Variants in FRMD4A observed in about 807,000 individuals in gnomAD.
FRMD4A encodes FERM domain-containing protein 4A.
A neutral mutation model predicts 129.1 loss-of-function variants in FRMD4A; 29 were observed. The ratio of observed to expected loss-of-function variants is 0.22; its 90% CI spans 0.17 to 0.31. The LOEUF is 0.31. Among genes scored for constraint, FRMD4A ranks in the 10% least tolerant of loss-of-function variants. The pLI, the probability that FRMD4A is intolerant of heterozygous loss-of-function variation, is 1.00. For missense variants in FRMD4A, 1,272 were observed against 1,375.8 expected, an observed-to-expected ratio of 0.92 and a Z score of 1.19; for synonymous variants, 634 against 571.6, an observed-to-expected ratio of 1.11 and a Z score of -1.56.
intron 3 of FRMD4A, among the ~76,000 whole-genome samples, chr10:13,848,836 G>T (rs2094098067): frequency 6.6e-6 from 1 of 152,130 alleles, no homozygotes. Flanking sequence ...TTACCAAGGG[G>T]GAAACGACTT....
intron 2 of FRMD4A, among the ~76,000 whole-genome samples, chr10:13,958,103 T>G (rs1237444248): frequency 6.6e-6 from 1 of 152,086 alleles, no homozygotes; most frequent in Non-Finnish European, 1.5e-5. Flanking sequence ...ACATTGCTAG[T>G]TATCTCTTTC....
chr10:14,298,839 G>A (rs1195681537), intron 2 of FRMD4A, among the ~76,000 whole-genome samples: 2 of 152,220 alleles, frequency 1.3e-5, no homozygotes, highest in Non-Finnish European at 2.9e-5. Context: ...GGACACTCGA[G>A]TGAGGCAGGA....
chr10:13,788,497 A>G lies in FRMD4A; in HGVS notation c.300-5491T>C, dbSNP rs193299812. ...CCCTTCTCCCAGGAACTGAGTGACA[A>G]TCTTTTCAATGTCTGTCCTCTCCTC... On this transcript the variant is annotated intron_variant, in intron 5 of 24. Transcript: ENST00000357447. Among the ~76,000 whole-genome samples, 5 of 152,332 alleles carry G rather than the reference A, an allele frequency of 3.3e-5. 1 individual carries two copies. Among genetic ancestry groups the G allele is most frequent in the African/African-American group, 9.6e-5 (4 of 41,582 alleles).
At chr10:13,654,877 G>T in intron 22 of FRMD4A, 1 of 264,838 alleles carries the variant, frequency 3.8e-6, no homozygotes, top group Non-Finnish European at 7.1e-6. Context: ...AGTCCTTTGA[G>T]CGAGACCTGA....
chr10:13,786,747 A>G lies in FRMD4A; in HGVS notation c.300-3741T>C, dbSNP rs112275308. ...GGGGAGGCAAGGAAGAGAGAAAGCA[A>G]TCCTAACACCAGAATATTAACAGAA... On this transcript the variant is annotated intron_variant, in intron 5 of 24. Coordinates refer to ENST00000357447, the MANE Select transcript of FRMD4A (RefSeq NM_018027.5). Among the ~76,000 whole-genome samples the G allele has an allele frequency of 6.0e-3, 914 of 152,302 alleles. 1 individual carries two copies. Among genetic ancestry groups the G allele is most frequent in the Admixed American group, 0.012 (180 of 15,288 alleles).
chr10:13,886,454 A>G (rs2094622247), intron 2 of FRMD4A, among the ~76,000 whole-genome samples: 1 of 152,318 alleles, frequency 6.6e-6, no homozygotes, highest in Admixed American at 6.5e-5. Flanking sequence ...TTGGTAATGC[A>G]TTACTAACTG....
At chr10:13,867,032 C>CACATGGTT (rs1269978122) in intron 2 of FRMD4A, among the ~76,000 whole-genome samples, 1 of 152,180 alleles carries the variant, frequency 6.6e-6, no homozygotes, top group Non-Finnish European at 1.5e-5. Flanking sequence ...TCTATCATCT[C>CACATGGTT]ACATGGTTAC....
intron 3 of FRMD4A, among the ~76,000 whole-genome samples, chr10:13,834,961 G>A (rs1034388052): frequency 2.6e-5 from 4 of 152,108 alleles, no homozygotes; most frequent in African/African-American, 4.8e-5. Context: ...ATAATTCCCC[G>A]TGATAGCAGC....
intron 2 of FRMD4A, among the ~76,000 whole-genome samples, chr10:13,979,789 T>C (rs1304289782): frequency 6.6e-6 from 1 of 152,220 alleles, no homozygotes; most frequent in African/African-American, 2.4e-5. Context: ...GGGAATGTAA[T>C]GACTACTGAA....
At chr10:14,097,591 G>T (rs1182466292) in intron 2 of FRMD4A, among the ~76,000 whole-genome samples, 1 of 152,102 alleles carries the variant, frequency 6.6e-6, no homozygotes, top group Non-Finnish European at 1.5e-5. Flanking sequence ...TGGACTGTTG[G>T]ATTCCAAATT....
At chr10:14,265,346 C>T (rs1844941903) in intron 2 of FRMD4A, among the ~76,000 whole-genome samples, 1 of 152,048 alleles carries the variant, frequency 6.6e-6, no homozygotes, top group Admixed American at 6.6e-5. Context: ...ATGTTTCATC[C>T]TTGGCTATGT....
chr10:13,785,963 G>A (rs2092848066), intron 5 of FRMD4A, among the ~76,000 whole-genome samples: 2 of 152,040 alleles, frequency 1.3e-5, no homozygotes, highest in Non-Finnish European at 2.9e-5. Flanking sequence ...ATCCTTTTTT[G>A]TGGCCGCATA....
chr10:13,722,331 A>G (rs2089490053), intron 12 of FRMD4A, among the ~76,000 whole-genome samples: 1 of 150,512 alleles, frequency 6.6e-6, no homozygotes, highest in African/African-American at 2.4e-5. Context: ...TCCTGGGCTC[A>G]AGTAACCCCC....
chr10:14,134,295 AAATGGGTG>A (rs1445522312), intron 2 of FRMD4A, among the ~76,000 whole-genome samples: 7 of 120,710 alleles, frequency 5.8e-5, no homozygotes, highest in Non-Finnish European at 1.2e-4. Flanking sequence ...ATAGGTAGAT[AAATGGGTG>A]AATGGGTGAA....
intron 21 of FRMD4A, among the ~76,000 whole-genome samples, chr10:13,657,788 GT>G (rs10695622): frequency 7.5e-4 from 108 of 143,274 alleles, no homozygotes; most frequent in East Asian, 1.0e-3. Flanking sequence ...CGATTTCTGG[GT>G]TTTTTTTTTT....
At chr10:14,025,925 C>T (rs1328242147) in intron 2 of FRMD4A, among the ~76,000 whole-genome samples, 1 of 152,154 alleles carries the variant, frequency 6.6e-6, no homozygotes, top group Non-Finnish European at 1.5e-5. Flanking sequence ...GACAGTTTTT[C>T]AGGCCTGAGA....
At chr10:14,240,363 C>T (rs1843999225) in intron 2 of FRMD4A, among the ~76,000 whole-genome samples, 1 of 152,182 alleles carries the variant, frequency 6.6e-6, no homozygotes, top group Non-Finnish European at 1.5e-5. Context: ...TATCATGTGG[C>T]ATTCTCAGCA....
chr10:13,803,528 A>G (rs75902065), intron 4 of FRMD4A, among the ~76,000 whole-genome samples: 10,743 of 151,706 alleles, frequency 0.071, 444 homozygotes, highest in African/African-American at 0.12. Context: ...TGTAAAGTAG[A>G]GGTTTTGCTG....
intron 2 of FRMD4A, among the ~76,000 whole-genome samples, chr10:13,969,529 G>T (rs2095505321): frequency 6.6e-6 from 1 of 152,258 alleles, no homozygotes; most frequent in Admixed American, 6.5e-5. Context: ...CCTGAGGCGG[G>T]GCTAGCCCAC....
Sources: allele counts gnomAD v4.1 joint callset (sites outside exome capture counted in the v4.1 genomes callset), GRCh38; gene constraint gnomAD v4.1.1; transcripts MANE v1.5; gene names NCBI Gene and HGNC (gene_info 2026-07-23, HGNC 2026-07-21).